Variants in NAV2 observed in about 807,000 individuals in gnomAD.
The protein encoded by NAV2 is helicase, APC down-regulated 1.
Under a neutral mutation model 223.2 loss-of-function variants are expected in NAV2, and 54 were observed. The observed-to-expected ratio is 0.24, with a 90% CI of 0.19 to 0.30. The LOEUF is 0.30. Among genes scored for constraint, NAV2 ranks in the 10% least tolerant of loss-of-function variants. The probability of loss-of-function intolerance (pLI) is 1.00; values close to 1 mark genes in which losing one functional copy is unlikely to be tolerated. For missense variants in NAV2, 2,806 were observed against 3,147.5 expected, an observed-to-expected ratio of 0.89 and a Z score of 2.60; for synonymous variants, 1,279 against 1,239.3, an observed-to-expected ratio of 1.03 and a Z score of -0.67.
At chr11:19,693,384 G>T (rs1030095236) in intron 1 of NAV2, among the ~76,000 whole-genome samples, 2 of 152,200 alleles carry the variant, frequency 1.3e-5, no homozygotes, top group African/African-American at 4.8e-5. Flanking sequence ...TCTCCAACCA[G>T]GAGTGCCATG....
In NAV2 at chr11:19,415,768, T is replaced by G. The variant is rs190468442; in HGVS notation, c.75+64741T>G. ...ACCATGATCGAGTTGGCTTCATCCC[T>G]GGGATACAAGCCTGGTTCAACATAC... On this transcript the variant is annotated intron_variant, in intron 1 of 37. Transcript: ENST00000360655. 2.4e-3 allele frequency among the ~76,000 whole-genome samples: 372 copies of G among 152,342 alleles called. 1 individual carries two copies. The highest frequency in any genetic ancestry group is 0.014 in the Middle Eastern group (4 of 294).
At chr11:19,350,687 C>T (rs375598112), upstream of NAV2, 172 of 489,672 alleles carry the variant, frequency 3.5e-4, 1 homozygote, top group African/African-American at 3.1e-3. Context: ...TCTCATGAAG[C>T]GAGTCTCAGA....
chr11:19,959,880 T>C (rs1372916799), intron 10 of NAV2, among the ~76,000 whole-genome samples: 4 of 152,106 alleles, frequency 2.6e-5, no homozygotes, highest in Non-Finnish European at 5.9e-5. Flanking sequence ...CCCCCCACCA[T>C]CTGGACTGTC....
chr11:19,760,471 A>G (rs1194436891), intron 1 of NAV2, among the ~76,000 whole-genome samples: 1 of 152,178 alleles, frequency 6.6e-6, no homozygotes. Context: ...AAAACAGAAG[A>G]ACCATGCACA....
intron 36 of NAV2, among the ~76,000 whole-genome samples, chr11:20,109,411 T>C (rs1488478440): frequency 6.6e-6 from 1 of 152,210 alleles, no homozygotes; most frequent in Non-Finnish European, 1.5e-5. Flanking sequence ...ATCTTTGCAG[T>C]AGAACCTCCC....
At chr11:19,353,044 C>A (rs983420992) in intron 1 of NAV2, among the ~76,000 whole-genome samples, 1 of 152,122 alleles carries the variant, frequency 6.6e-6, no homozygotes, top group Non-Finnish European at 1.5e-5. Context: ...GGCTCATATA[C>A]CTCGGGTGAA....
rs75485559 is a variant in NAV2 at position 20,110,058 on chromosome 11, T to C, written c.6960+2276T>C. Among the ~76,000 whole-genome samples, 889 of 152,320 alleles carry C rather than the reference T, an allele frequency of 5.8e-3. 4 individuals carry two copies. Among genetic ancestry groups the C allele is most frequent in the Non-Finnish European group, 9.3e-3 (632 of 68,020 alleles). On this transcript the variant is annotated intron_variant, in intron 36 of 37. Coordinates refer to ENST00000349880, the MANE Select transcript of NAV2 (RefSeq NM_145117.5). Reference sequence around the variant, plus strand: ...TGATGGAGCTGATCATAGAGGATCATTGGGCGTCCTTCCCACCATGGGAAA... The same window carrying C: ...TGATGGAGCTGATCATAGAGGATCACTGGGCGTCCTTCCCACCATGGGAAA...
At chr11:19,983,370 A>G (rs967193523) in intron 10 of NAV2, among the ~76,000 whole-genome samples, 12 of 152,220 alleles carry the variant, frequency 7.9e-5, no homozygotes, top group Non-Finnish European at 1.8e-4. Flanking sequence ...GTATTACCAA[A>G]AAAAGAATAA....
At chr11:19,549,314 G>C (rs1318462512) in intron 1 of NAV2, among the ~76,000 whole-genome samples, 3 of 152,158 alleles carry the variant, frequency 2.0e-5, no homozygotes, top group Non-Finnish European at 4.4e-5. Flanking sequence ...GATCCTCCTG[G>C]AGCCACTCGG....
intron 11 of NAV2, among the ~76,000 whole-genome samples, chr11:20,015,967 C>T (rs1291122202): frequency 6.6e-6 from 1 of 152,180 alleles, no homozygotes; most frequent in Non-Finnish European, 1.5e-5. Flanking sequence ...GATTTGGCTC[C>T]AGTCTGTCGC....
At chr11:20,036,649 C>G (rs949265195) in intron 12 of NAV2, among the ~76,000 whole-genome samples, 1 of 152,140 alleles carries the variant, frequency 6.6e-6, no homozygotes, top group African/African-American at 2.4e-5. Context: ...AAACTAGATT[C>G]CCTGTCAAAT....
At chr11:19,465,619 C>A (rs1179842477) in intron 1 of NAV2, among the ~76,000 whole-genome samples, 2 of 152,108 alleles carry the variant, frequency 1.3e-5, no homozygotes, top group East Asian at 3.9e-4. Context: ...GAGAAAGTGA[C>A]CAGACCAAAT....
intron 1 of NAV2, among the ~76,000 whole-genome samples, chr11:19,411,758 G>A (rs571653423): frequency 6.6e-6 from 1 of 152,248 alleles, no homozygotes. Flanking sequence ...AAGGAGAAGA[G>A]AGAGCTTCAA....
chr11:19,529,801 G>GTCAGAAGTCC (rs2043968235), intron 1 of NAV2, among the ~76,000 whole-genome samples: 1 of 152,236 alleles, frequency 6.6e-6, no homozygotes, highest in African/African-American at 2.4e-5. Context: ...AGACCAGCGG[G>GTCAGAAGTCC]CCTCCTGCCC....
intron 1 of NAV2, among the ~76,000 whole-genome samples, chr11:19,396,262 G>A (rs1213809686): frequency 2.0e-5 from 3 of 152,128 alleles, no homozygotes; most frequent in Non-Finnish European, 4.4e-5. Context: ...GCACTTTGTA[G>A]CCAGTAGCTG....
chr11:19,430,240 G>A (rs911103666), intron 1 of NAV2, among the ~76,000 whole-genome samples: 10 of 152,132 alleles, frequency 6.6e-5, no homozygotes, highest in East Asian at 5.8e-4. Flanking sequence ...TGCACTTTTC[G>A]CTTGGCCATC....
At chr11:19,703,509 G>A (rs1281922655) in intron 1 of NAV2, among the ~76,000 whole-genome samples, 3 of 152,224 alleles carry the variant, frequency 2.0e-5, no homozygotes, top group Non-Finnish European at 2.9e-5. Context: ...GTAGAGTAAC[G>A]AGTAAGGGTC....
At chr11:19,386,105 A>G (rs984540052) in intron 1 of NAV2, among the ~76,000 whole-genome samples, 3 of 152,214 alleles carry the variant, frequency 2.0e-5, no homozygotes, top group African/African-American at 7.2e-5. Context: ...AAAAACAATT[A>G]TCTTAAATTA....
At chr11:19,768,394 G>A (rs1363332245) in intron 1 of NAV2, among the ~76,000 whole-genome samples, 3 of 152,152 alleles carry the variant, frequency 2.0e-5, no homozygotes, top group Non-Finnish European at 2.9e-5. Context: ...AGTTTGATGA[G>A]TTCAGTCAAC....
Sources: allele counts gnomAD v4.1 joint callset (sites outside exome capture counted in the v4.1 genomes callset), GRCh38; gene constraint gnomAD v4.1.1; transcripts MANE v1.5; gene names NCBI Gene and HGNC (gene_info 2026-07-23, HGNC 2026-07-21).